The following TIMELESS variants were observed in gnomAD, a reference collection of about 807,000 sequenced individuals.
TIMELESS encodes the protein protein timeless homolog.
In TIMELESS, 124 loss-of-function variants were observed where a neutral mutation model predicts 164.3. The ratio of observed to expected loss-of-function variants is 0.75; its 90% CI spans 0.65 to 0.88. The LOEUF is 0.88. Ranked by LOEUF, TIMELESS falls within the 40% of genes least tolerant of loss-of-function variation. The pLI, the probability that TIMELESS is intolerant of heterozygous loss-of-function variation, is 0.00. For synonymous variants in TIMELESS, 564 were observed against 563.4 expected, an observed-to-expected ratio of 1.00 and a Z score of -0.02; for missense variants, 1,422 against 1,491.4, an observed-to-expected ratio of 0.95 and a Z score of 0.77.
Position 56,417,691 on chromosome 12 carries a change from C to G in TIMELESS, c.*25G>C. The G allele has an allele frequency of 6.2e-7, 1 of 1,613,656 alleles. No individual in the cohort carries two copies. The highest frequency in any genetic ancestry group is 8.5e-7 in the Non-Finnish European group (1 of 1,179,564). On this transcript the variant is annotated 3_prime_UTR_variant, in exon 29 of 29. Transcript: ENST00000553532. ...ATGCACCATCTAAAAACGTGTCTAT[C>G]TCTACCCCTAGGCTTCTTAGCTCTT...
chr12:56,436,154 A>C (rs1882064488), intron 1 of TIMELESS, among the ~76,000 whole-genome samples: 1 of 152,126 alleles, frequency 6.6e-6, no homozygotes, highest in African/African-American at 2.4e-5. Flanking sequence ...CCAAGAAAAC[A>C]CTAATTTAAG....
At chr12:56,418,051 CAT>C (rs1399901838) in intron 27 of TIMELESS, 43 bp from the exon 28 acceptor site, 4 of 1,613,444 alleles carry the variant, frequency 2.5e-6, no homozygotes, top group Middle Eastern at 1.6e-4. Flanking sequence ...ACTCGGTCCT[CAT>C]ATTCTCAGAA....
intron 21 of TIMELESS, 36 bp from the exon 22 acceptor site, chr12:56,421,845 G>T: frequency 6.2e-7 from 1 of 1,613,630 alleles, no homozygotes; most frequent in East Asian, 2.2e-5. Flanking sequence ...AGGAAGCCCA[G>T]GAAGTGATCA....
At chr12:56,424,672 A>G in intron 15 of TIMELESS, 90 bp downstream of exon 15, 2 of 1,491,108 alleles carry the variant, frequency 1.3e-6, no homozygotes, top group Non-Finnish European at 1.8e-6. Context: ...TGATGAGACA[A>G]CTCTCTTTTG....
Position 56,422,169 on chromosome 12 carries a change from T to A in TIMELESS, c.2461A>T (p.Thr821Ser). 6.2e-7 allele frequency: 1 copy of A among 1,614,108 alleles called. No individual in the cohort carries two copies. The highest frequency in any genetic ancestry group is 8.5e-7 in the Non-Finnish European group (1 of 1,180,020). Residue 821 changes from threonine (T) to serine (S), a missense_variant, in exon 20 of 29, where the codon ACA (threonine) becomes TCA (serine). Thr to Ser is a moderately conservative substitution (Grantham distance 58, BLOSUM62 1). Coordinates refer to ENST00000553532, the MANE Select transcript of TIMELESS (RefSeq NM_003920.5). ...TGAGCCTCTTCTTCGGGGCTCCATGTAGGTGCTCTGCGACTGGAAGACCTG... is the reference window on the plus strand; with the variant it reads ...TGAGCCTCTTCTTCGGGGCTCCATGAAGGTGCTCTGCGACTGGAAGACCTG... ...DDRSSSRRAP[T>S]WSPEEEAHLR... is the part of the protein sequence containing the mutation.
intron 1 of TIMELESS, among the ~76,000 whole-genome samples, chr12:56,444,559 T>C (rs1868322872): frequency 6.6e-6 from 1 of 152,018 alleles, no homozygotes; most frequent in Admixed American, 6.6e-5. Context: ...ATTCCATCTG[T>C]TTTTTTCTTT....
chr12:56,426,456 G>C lies in TIMELESS; in HGVS notation c.1579-1304C>G, dbSNP rs561094894. ...GGCTGGAGTGCAATGGCGTGATCTC[G>C]GCTCACTGCAACCTCTGCCACCTGG... On this transcript the variant is annotated intron_variant, in intron 13 of 28. Transcript: ENST00000553532. 3.3e-5 allele frequency among the ~76,000 whole-genome samples: 5 copies of C among 149,950 alleles called. No individual in the cohort carries two copies. The South Asian group carries it at 1.1e-3, about 32-fold the overall frequency.
intron 1 of TIMELESS, among the ~76,000 whole-genome samples, chr12:56,447,168 C>A (rs1868365867): frequency 7.0e-6 from 1 of 142,366 alleles, no homozygotes; most frequent in Non-Finnish European, 1.5e-5. Flanking sequence ...TGCCACCATA[C>A]CCAGCTAATT....
At chr12:56,423,132 T>C (rs1012274865) in intron 18 of TIMELESS, 140 bp from the exon 19 acceptor site, 6 of 1,390,840 alleles carry the variant, frequency 4.3e-6, no homozygotes, top group Non-Finnish European at 4.9e-6. Context: ...TGCAGCTCCC[T>C]CAACCTGCCT....
intron 1 of TIMELESS, among the ~76,000 whole-genome samples, chr12:56,435,734 C>T (rs190023396): frequency 3.3e-5 from 5 of 151,610 alleles, no homozygotes; most frequent in African/African-American, 1.2e-4. Context: ...CTGAGGCGGG[C>T]GGATCATGAG....
In TIMELESS at chr12:56,418,024, A is replaced by G; in HGVS notation, c.3455-16T>C. On this transcript the variant is annotated splice_polypyrimidine_tract_variant and intron_variant, in intron 27 of 28. Coordinates refer to ENST00000553532, the MANE Select transcript of TIMELESS (RefSeq NM_003920.5). ...GCGTCTTCCTCTGCAATGACCATAA[A>G]TGACACAAAATTAGGAACTCGGTCC... The G allele has an allele frequency of 6.2e-7, 1 of 1,614,144 alleles. No individual in the cohort carries two copies. Among genetic ancestry groups the G allele is most frequent in the Non-Finnish European group, 8.5e-7 (1 of 1,180,024 alleles).
In TIMELESS at chr12:56,431,281, G is replaced by C. The variant is rs1404103799; in HGVS notation, c.821+190C>G. ...AGGCAGGAGAATCGCTTGAACCCAG[G>C]AGACAGAGGTTGCAGTGAGCAGAGA... On this transcript the variant is annotated intron_variant, in intron 8 of 28. Transcript: ENST00000553532. Among the ~76,000 whole-genome samples, 8 of 150,952 alleles carry C rather than the reference G, an allele frequency of 5.3e-5. No homozygotes were observed. The East Asian group carries it at 1.6e-3, about 29-fold the overall frequency.
rs139155922 is a variant in TIMELESS at position 56,420,996 on chromosome 12, T to A, written c.3007A>T (p.Asn1003Tyr). 1.1e-5 allele frequency: 17 copies of A among 1,614,066 alleles called. No homozygotes were observed. The highest frequency in any genetic ancestry group is 1.4e-5 in the Non-Finnish European group (17 of 1,180,046). ...EQVQGSLVLS[N>Y]ENLGQSLHQE... Reference sequence around the variant, plus strand: ...TGCAGGCTTTGACCAAGGTTTTCATTTGAAAGGACTAAGCTACCCTGGACT... The same window carrying A: ...TGCAGGCTTTGACCAAGGTTTTCATATGAAAGGACTAAGCTACCCTGGACT... Residue 1003 changes from asparagine (N) to tyrosine (Y), a missense_variant, in exon 24 of 29, where the codon AAT becomes TAT. Transcript: ENST00000553532.
intron 5 of TIMELESS, 29 bp from the exon 6 acceptor site, chr12:56,433,156 C>A (rs769315752): frequency 2.5e-6 from 4 of 1,605,846 alleles, no homozygotes; most frequent in Non-Finnish European, 1.7e-6. Context: ...GAGGAAGAGA[C>A]TCCCTGTGGA....
At chr12:56,420,437 T>C (rs1393797913) in intron 26 of TIMELESS, 132 bp downstream of exon 26, 2 of 720,666 alleles carry the variant, frequency 2.8e-6, no homozygotes, top group East Asian at 2.6e-5. Context: ...TGGTCAGAGA[T>C]GACAAGACAA....
intron 15 of TIMELESS, 70 bp from the exon 16 acceptor site, chr12:56,423,964 A>G (rs952855057): frequency 7.3e-7 from 1 of 1,371,550 alleles, no homozygotes. Context: ...TCGAAGTAGA[A>G]GAAGGAATTT....
chr12:56,431,185 C>T (rs561373635), intron 8 of TIMELESS, among the ~76,000 whole-genome samples: 1 of 152,146 alleles, frequency 6.6e-6, no homozygotes, highest in Admixed American at 6.5e-5. Flanking sequence ...GAAACCCTGT[C>T]TCTACTAAAA....
At chr12:56,435,647 C>T (rs901793009) in intron 1 of TIMELESS, among the ~76,000 whole-genome samples, 1 of 152,172 alleles carries the variant, frequency 6.6e-6, no homozygotes, top group Non-Finnish European at 1.5e-5. Flanking sequence ...ACCCCATCTT[C>T]TACTAAAAAT....
intron 22 of TIMELESS, 31 bp from the exon 23 acceptor site, chr12:56,421,524 G>A: frequency 2.5e-6 from 4 of 1,597,474 alleles, no homozygotes; most frequent in Non-Finnish European, 3.4e-6. Context: ...AATACCCAAG[G>A]GTAACAGGGA....
Sources: gnomAD v4.1 joint callset for allele counts (sites outside exome capture counted in the v4.1 genomes callset) on GRCh38, gnomAD v4.1.1 for gene constraint, MANE v1.5 for transcripts, NCBI Gene and HGNC (gene_info 2026-07-23, HGNC 2026-07-21) for gene names.